Variants in P2RY14 observed in about 807,000 individuals in gnomAD.
The protein encoded by P2RY14 is P2Y purinoceptor 14.
Under a neutral mutation model 0.9 loss-of-function variants are expected in P2RY14, and 2 were observed. That is an observed-to-expected ratio of 2.16 (90% CI 0.88 to 6.79). The LOEUF is 6.79. Among genes scored for constraint, P2RY14 ranks in the 30% most tolerant of loss-of-function variants. The pLI, the probability that P2RY14 is intolerant of heterozygous loss-of-function variation, is 0.05. For synonymous variants in P2RY14, 158 were observed against 147.2 expected (o/e 1.07, Z -0.53); for missense variants, 378 against 400.1 (o/e 0.94, Z 0.47).
At chr3:151,277,446 A>C (rs541853250) in intron 1 of P2RY14, among the ~76,000 whole-genome samples, 2 of 152,222 alleles carry the variant, frequency 1.3e-5, no homozygotes, top group Non-Finnish European at 2.9e-5. Flanking sequence ...CTGATTATCA[A>C]GTTTGTATGT....
In P2RY14 at chr3:151,213,955, T is replaced by G; in HGVS notation, c.362A>C (p.Tyr121Ser). The change falls in exon 3 of 3, where the codon TAT (tyrosine) becomes TCT (serine). Residue 121 changes from tyrosine to serine, a missense_variant. Coordinates refer to ENST00000309170, the MANE Select transcript of P2RY14 (RefSeq NM_014879.4). ...FFGLISFDRYYKIVKPLWTSF... is the reference protein window; with the variant it reads ...FFGLISFDRYSKIVKPLWTSF... ...AGTCCAAAGAGGCTTTACAATTTTA[T>G]AATATCTGTCAAAGCTGATGAGCCC... 1 of 1,614,120 alleles carries G rather than the reference T, an allele frequency of 6.2e-7. No individual in the cohort carries two copies. Among genetic ancestry groups the G allele is most frequent in the Non-Finnish European group, 8.5e-7 (1 of 1,180,010 alleles).
intron 1 of P2RY14, among the ~76,000 whole-genome samples, chr3:151,225,753 A>T (rs75440324): frequency 6.6e-6 from 1 of 151,966 alleles, no homozygotes; most frequent in African/African-American, 2.4e-5. Context: ...CCCACCCCCT[A>T]TCTTTTTTCA....
In P2RY14 at chr3:151,221,012, C is replaced by G. The variant is rs61621398; in HGVS notation, c.-132-1370G>C. 2.0e-5 allele frequency among the ~76,000 whole-genome samples: 3 copies of G among 152,180 alleles called. No individual in the cohort carries two copies. In the East Asian group the frequency reaches 5.8e-4, roughly 29 times the overall value. On this transcript the variant is annotated intron_variant, in intron 1 of 2. Transcript: ENST00000309170. Reference sequence around the variant, plus strand: ...CCCAAAATGCTGATAGTGATATGGACGATAAAGTCCAGGGTGAGGTGGTCT... The same window carrying G: ...CCCAAAATGCTGATAGTGATATGGAGGATAAAGTCCAGGGTGAGGTGGTCT...
intron 1 of P2RY14, among the ~76,000 whole-genome samples, chr3:151,247,956 CTTCTTCTTTTT>C (rs1213754557): frequency 1.2e-4 from 7 of 59,504 alleles, no homozygotes; most frequent in Admixed American, 2.2e-4. Context: ...CTTTCTTCTT[CTTCTTCTTTTT>C]TTTTTTTTTT....
chr3:151,230,742 C>A (rs1731504007), intron 1 of P2RY14, among the ~76,000 whole-genome samples: 1 of 152,160 alleles, frequency 6.6e-6, no homozygotes, highest in South Asian at 2.1e-4. Context: ...ATCTGTATGT[C>A]TGTAAGTCAT....
At chr3:151,243,192 G>A (rs1734589537) in intron 1 of P2RY14, among the ~76,000 whole-genome samples, 1 of 152,030 alleles carries the variant, frequency 6.6e-6, no homozygotes, top group South Asian at 2.1e-4. Context: ...AAAACACTCT[G>A]CAGGATATTA....
intron 1 of P2RY14, among the ~76,000 whole-genome samples, chr3:151,261,677 G>T (rs1738910940): frequency 6.7e-6 from 1 of 148,156 alleles, no homozygotes; most frequent in Non-Finnish European, 1.5e-5. Flanking sequence ...GGGGTCCAGT[G>T]GTACGTGGTG....
At chr3:151,272,088 G>C (rs1332265532) in intron 1 of P2RY14, among the ~76,000 whole-genome samples, 1 of 152,208 alleles carries the variant, frequency 6.6e-6, no homozygotes, top group East Asian at 1.9e-4. Context: ...AGATTGTAAT[G>C]TGTGTGTAAA....
At chr3:151,224,091 T>G (rs1729980018) in intron 1 of P2RY14, among the ~76,000 whole-genome samples, 1 of 152,080 alleles carries the variant, frequency 6.6e-6, no homozygotes, top group South Asian at 2.1e-4. Context: ...GCACTTCTGT[T>G]TTTGTATATT....
At chr3:151,222,422 C>T (rs1257214883) in intron 1 of P2RY14, among the ~76,000 whole-genome samples, 10 of 152,158 alleles carry the variant, frequency 6.6e-5, no homozygotes, top group South Asian at 2.1e-4. Context: ...CATCTTGTGG[C>T]TCCCTTAATT....
chr3:151,234,159 G>A (rs1732268642), intron 1 of P2RY14, among the ~76,000 whole-genome samples: 1 of 152,162 alleles, frequency 6.6e-6, no homozygotes, highest in Non-Finnish European at 1.5e-5. Flanking sequence ...GTTTGTAATA[G>A]CAAAAATATG....
intron 1 of P2RY14, among the ~76,000 whole-genome samples, chr3:151,272,624 G>A (rs906492015): frequency 1.3e-5 from 2 of 152,184 alleles, no homozygotes; most frequent in Non-Finnish European, 2.9e-5. Flanking sequence ...TCTGCCCCAA[G>A]TATAAAATAT....
chr3:151,244,924 T>G (rs545022452), intron 1 of P2RY14, among the ~76,000 whole-genome samples: 1 of 152,116 alleles, frequency 6.6e-6, no homozygotes, highest in East Asian at 1.9e-4. Flanking sequence ...CAATAAAAAA[T>G]GATAAAGGGG....
At position 151,213,705 on chromosome 3, in the gene P2RY14, A is replaced by G; in HGVS notation, c.612T>C (p.Val204=). 1 of 1,614,208 alleles carries G rather than the reference A, an allele frequency of 6.2e-7. No homozygotes were observed. The highest frequency in any genetic ancestry group is 8.5e-7 in the Non-Finnish European group (1 of 1,180,034). Residue 204 remains valine (V), a synonymous_variant, in exon 3 of 3, where the codon GTT becomes GTC. Transcript: ENST00000309170. Reference sequence around the variant, plus strand: ...TTTTCTTTGTGATAGCAGTATAGAAAACGATTAACAAAAGAAACACAATCC... The same window carrying G: ...TTTTCTTTGTGATAGCAGTATAGAAGACGATTAACAAAAGAAACACAATCC... The part of the protein sequence containing the change: ...IFWIVFLLLI[V]FYTAITKKIF...
chr3:151,246,518 G>A (rs1005835432), intron 1 of P2RY14, among the ~76,000 whole-genome samples: 7 of 152,062 alleles, frequency 4.6e-5, no homozygotes, highest in Non-Finnish European at 8.8e-5. Flanking sequence ...CAAGCAATGG[G>A]GAAAGGATTC....
At chr3:151,261,986 C>CA (rs1739012330) in intron 1 of P2RY14, among the ~76,000 whole-genome samples, 1 of 152,140 alleles carries the variant, frequency 6.6e-6, no homozygotes. Context: ...CTCGGCCTCC[C>CA]AGTGTGCTAA....
intron 1 of P2RY14, among the ~76,000 whole-genome samples, chr3:151,253,174 G>C (rs1197415444): frequency 6.6e-6 from 1 of 152,138 alleles, no homozygotes; most frequent in East Asian, 1.9e-4. Flanking sequence ...ACCCTGTATA[G>C]TGATATAAAT....
chr3:151,267,970 T>C, intron 1 of P2RY14, among the ~76,000 whole-genome samples: 1 of 152,186 alleles, frequency 6.6e-6, no homozygotes. Flanking sequence ...TATGAATTTC[T>C]CCAAATGCCA....
intron 1 of P2RY14, among the ~76,000 whole-genome samples, chr3:151,243,359 C>T (rs1734638991): frequency 6.6e-6 from 1 of 150,796 alleles, no homozygotes; most frequent in Non-Finnish European, 1.5e-5. Context: ...TTAAGGGCAG[C>T]CAGAGAGAAA....
Sources: allele counts gnomAD v4.1 joint callset (sites outside exome capture counted in the v4.1 genomes callset), GRCh38; gene constraint gnomAD v4.1.1; transcripts MANE v1.5; gene names NCBI Gene and HGNC (gene_info 2026-07-23, HGNC 2026-07-21).